The following CAPN14 variants were observed in gnomAD, a reference collection of about 807,000 sequenced individuals.
CAPN14 encodes calpain-14.
A neutral mutation model predicts 101.3 loss-of-function variants in CAPN14; 94 were observed. That is an observed-to-expected ratio of 0.93 (90% CI 0.79 to 1.10). CAPN14 has a LOEUF of 1.10. Among genes scored for constraint, CAPN14 ranks in the 50% least tolerant of loss-of-function variants. CAPN14 has a pLI of 0.00. For synonymous variants in CAPN14, 338 were observed against 317.9 expected (o/e 1.06, Z -0.67); for missense variants, 837 against 828.4 (o/e 1.01, Z -0.13).
chr2:31,174,770 A>T, intron 21 of CAPN14, 63 bp from the exon 22 acceptor site: 2 of 1,494,280 alleles, frequency 1.3e-6, no homozygotes, highest in Non-Finnish European at 1.8e-6. Context: ...GGGCCTCCCC[A>T]TCCCACACTC....
rs368405580 is a variant in CAPN14 at position 31,215,461 on chromosome 2, AGTTCCTTTCT to A, written c.-53+1985_-53+1994del. 3.7e-4 allele frequency among the ~76,000 whole-genome samples: 57 copies of A among 152,190 alleles called. 1 individual carries two copies. Among genetic ancestry groups the A allele is most frequent in the African/African-American group, 1.3e-3 (55 of 41,522 alleles). On this transcript the variant is annotated intron_variant, in intron 1 of 21. Coordinates refer to ENST00000403897, the MANE Select transcript of CAPN14 (RefSeq NM_001145122.2). ...CAAATGGCCAGGCTCTTGGTGTGTTAGTTCCTTTCTGTGTACACAAACCCCCACCACACAC... is the reference window on the plus strand; with the variant it reads ...CAAATGGCCAGGCTCTTGGTGTGTTAGTGTACACAAACCCCCACCACACAC...
rs186980725 is a variant in CAPN14, at chr2:31,173,492, A to T, written c.*1189T>A. 2.0e-5 allele frequency: 3 copies of T among 152,370 alleles called. No homozygotes were observed. Among genetic ancestry groups the T allele is most frequent in the Admixed American group, 1.3e-4 (2 of 15,312 alleles). 9.4% of individuals were successfully genotyped at this position (152,370 alleles called of 1,614,324 possible). A position where few individuals can be genotyped will look rare whatever the true frequency, so the allele number is the denominator to read the frequency against. On this transcript the variant is annotated 3_prime_UTR_variant, in exon 22 of 22. Coordinates refer to ENST00000403897, the MANE Select transcript of CAPN14 (RefSeq NM_001145122.2). ...TGTAAATTAAGATTAAATAGAATAC[A>T]GGTTGACTATCTCTTAACTAAAATG...
At chr2:31,212,545 T>C (rs1295772628) in intron 1 of CAPN14, among the ~76,000 whole-genome samples, 1 of 152,176 alleles carries the variant, frequency 6.6e-6, no homozygotes, top group Non-Finnish European at 1.5e-5. Flanking sequence ...CAACCATCTC[T>C]GAAGCAGTTG....
intron 12 of CAPN14, among the ~76,000 whole-genome samples, chr2:31,191,122 A>C (rs1681154958): frequency 6.6e-6 from 1 of 152,152 alleles, no homozygotes; most frequent in Admixed American, 6.5e-5. Flanking sequence ...TTTGTGTAGG[A>C]ATTTAATAAA....
chr2:31,183,485 T>C (rs934239698), intron 16 of CAPN14, among the ~76,000 whole-genome samples: 1 of 151,672 alleles, frequency 6.6e-6, no homozygotes, highest in African/African-American at 2.4e-5. Context: ...CACACAAATT[T>C]ACAAGAAAAA....
At chr2:31,183,529 C>T (rs1437608618) in intron 16 of CAPN14, among the ~76,000 whole-genome samples, 1 of 151,928 alleles carries the variant, frequency 6.6e-6, no homozygotes, top group African/African-American at 2.4e-5. Context: ...GGGCAAAGGA[C>T]ATGAACAGAC....
Position 31,176,768 on chromosome 2 carries a change from C to G in CAPN14, c.1973-126G>C. 1.7e-5 allele frequency: 15 copies of G among 862,958 alleles called. No homozygotes were observed. In the South Asian group the frequency reaches 2.1e-4, roughly 12 times the overall value. The allele number at this position is 862,958 out of a possible 1,614,324, so 53.5% of individuals were successfully genotyped here. A position where few individuals can be genotyped will look rare whatever the true frequency, so the allele number is the denominator to read the frequency against. On this transcript the variant is annotated intron_variant, in intron 20 of 21. Coordinates refer to ENST00000403897, the MANE Select transcript of CAPN14 (RefSeq NM_001145122.2). ...AAACGTGAGGGAACCCAGTGTCAGC[C>G]TACATGTGACCACACGCAGCCACAT... is the stretch of plus-strand genomic sequence containing the variant.
intron 16 of CAPN14, among the ~76,000 whole-genome samples, chr2:31,184,808 A>G (rs1478337138): frequency 6.6e-6 from 1 of 152,248 alleles, no homozygotes; most frequent in East Asian, 1.9e-4. Flanking sequence ...TTAAAAGCAC[A>G]CATCTAAATG....
chr2:31,177,729 G>C lies in CAPN14; in HGVS notation c.1855+17C>G. 1 of 1,546,250 alleles carries C rather than the reference G, an allele frequency of 6.5e-7. No individual in the cohort carries two copies. Among genetic ancestry groups the C allele is most frequent in the Non-Finnish European group, 8.8e-7 (1 of 1,141,912 alleles). On this transcript the variant is annotated intron_variant, in intron 19 of 21. Coordinates refer to ENST00000403897, the MANE Select transcript of CAPN14 (RefSeq NM_001145122.2). The stretch of plus-strand genomic sequence containing the variant: ...CTGCCCGTGTGTGCCCACAGCTCCA[G>C]CTCTTCCTGTGCCTACCTGCCTCCC...
At chr2:31,189,501 C>G (rs1408360015) in intron 12 of CAPN14, 23 bp from the exon 13 acceptor site, 1 of 1,539,578 alleles carries the variant, frequency 6.5e-7, no homozygotes, top group Admixed American at 2.0e-5. Flanking sequence ...GACAGAAGAA[C>G]AGCAAGGGAG....
At chr2:31,220,007 C>T (rs1682814078), upstream of CAPN14, among the ~76,000 whole-genome samples, 1 of 152,200 alleles carries the variant, frequency 6.6e-6, no homozygotes, top group Non-Finnish European at 1.5e-5. Flanking sequence ...TCCTTCCTTT[C>T]CCTCTAATCA....
In CAPN14 at chr2:31,202,012, G is replaced by A. The variant is rs1572419589; in HGVS notation, c.415-14C>T. On this transcript the variant is annotated splice_polypyrimidine_tract_variant and intron_variant, in intron 4 of 21. Coordinates refer to ENST00000403897, the MANE Select transcript of CAPN14 (RefSeq NM_001145122.2). Reference sequence around the variant, plus strand: ...ATAGTGCCAGAACTGGAGGGAGAGAGTGGCCCCGGGTGAATGAGGACTGCT... The same window carrying A: ...ATAGTGCCAGAACTGGAGGGAGAGAATGGCCCCGGGTGAATGAGGACTGCT... 6.4e-7 allele frequency: 1 copy of A among 1,551,348 alleles called. No homozygotes were observed. The highest frequency in any genetic ancestry group is 2.4e-5 in the East Asian group (1 of 40,886).
chr2:31,193,380 G>T, intron 9 of CAPN14, 86 bp from the exon 10 acceptor site: 1 of 1,341,214 alleles, frequency 7.5e-7, no homozygotes, highest in Non-Finnish European at 1.0e-6. Context: ...AAACGGAGCA[G>T]TGGGCATCCC....
At chr2:31,190,137 T>TTC (rs3031867) in intron 12 of CAPN14, among the ~76,000 whole-genome samples, 4,079 of 142,736 alleles carry the variant, frequency 0.029, 69 homozygotes, top group Admixed American at 0.057. Context: ...CTGATTCATA[T>TTC]TCTCTCTCTC....
chr2:31,228,213 A>G (rs554791371), intron 1 of CAPN14: 57 of 152,440 alleles, frequency 3.7e-4, no homozygotes, highest in African/African-American at 1.3e-3. Context: ...TAACTCCCCT[A>G]GCCAGGGCTC....
intron 2 of CAPN14, among the ~76,000 whole-genome samples, chr2:31,222,941 C>A (rs1182181809): frequency 2.0e-5 from 3 of 152,136 alleles, no homozygotes; most frequent in Non-Finnish European, 2.9e-5. Context: ...GGGATTAGGG[C>A]TCTTATAAAA....
intron 21 of CAPN14, 65 bp downstream of exon 21, chr2:31,176,522 C>T (rs760185693): frequency 9.3e-6 from 12 of 1,283,528 alleles, no homozygotes; most frequent in Non-Finnish European, 1.3e-5. Flanking sequence ...TTCACAAGAG[C>T]ATGGTCCCGC....
At chr2:31,190,891 C>T (rs536160656) in intron 12 of CAPN14, among the ~76,000 whole-genome samples, 12 of 152,326 alleles carry the variant, frequency 7.9e-5, no homozygotes, top group East Asian at 1.9e-4. Context: ...CCCCTCCTGG[C>T]GGCCACAGCA....
At chr2:31,202,062 T>A in intron 4 of CAPN14, 64 bp from the exon 5 acceptor site, 1 of 1,550,138 alleles carries the variant, frequency 6.5e-7, no homozygotes, top group Non-Finnish European at 8.7e-7. Context: ...GCCCAGAAGG[T>A]GAAGACATGG....
Sources: allele counts gnomAD v4.1 joint callset (sites outside exome capture counted in the v4.1 genomes callset), GRCh38; gene constraint gnomAD v4.1.1; transcripts MANE v1.5; gene names NCBI Gene and HGNC (gene_info 2026-07-23, HGNC 2026-07-21).